SGIP1: variants seen among roughly 807,000 people sequenced by gnomAD.
The protein encoded by SGIP1 is SH3-containing GRB2-like protein 3-interacting protein 1.
In SGIP1, 38 loss-of-function variants were observed where a neutral mutation model predicts 107.5. The ratio of observed to expected loss-of-function variants is 0.35; its 90% CI spans 0.27 to 0.46. SGIP1 has a LOEUF of 0.46. Ranked by LOEUF, SGIP1 falls within the 20% of genes least tolerant of loss-of-function variation. SGIP1 has a pLI of 1.00. For missense variants in SGIP1, 929 were observed against 1,019.5 expected (o/e 0.91, Z 1.21); for synonymous variants, 365 against 366.1 (o/e 1.00, Z 0.03).
intron 21 of SGIP1, among the ~76,000 whole-genome samples, chr1:66,737,417 G>A (rs181683465): frequency 3.9e-5 from 6 of 152,044 alleles, no homozygotes; most frequent in Admixed American, 2.0e-4. Context: ...CAAGGGCTGC[G>A]CACGGTGGCT....
chr1:66,607,662 C>T (rs2149105071), intron 1 of SGIP1, among the ~76,000 whole-genome samples: 1 of 152,312 alleles, frequency 6.6e-6, no homozygotes, highest in African/African-American at 2.4e-5. Flanking sequence ...CCCCACCCCC[C>T]TACACCATCA....
At chr1:66,568,681 G>A (rs2059981413) in intron 1 of SGIP1, among the ~76,000 whole-genome samples, 1 of 151,660 alleles carries the variant, frequency 6.6e-6, no homozygotes. Context: ...GATCAAGCAG[G>A]CTTCATCCCT....
chr1:66,698,471 C>T (rs2091351215), intron 18 of SGIP1, among the ~76,000 whole-genome samples: 1 of 151,704 alleles, frequency 6.6e-6, no homozygotes, highest in Admixed American at 6.6e-5. Context: ...CTCCGCCTCC[C>T]GAGTTCACCC....
chr1:66,677,537 A>G (rs1483799969), intron 13 of SGIP1, among the ~76,000 whole-genome samples: 1 of 152,120 alleles, frequency 6.6e-6, no homozygotes, highest in Non-Finnish European at 1.5e-5. Context: ...AAGAGTGACA[A>G]TTGGGGAACA....
chr1:66,663,134 A>G (rs1052147064), intron 8 of SGIP1, among the ~76,000 whole-genome samples: 1 of 151,940 alleles, frequency 6.6e-6, no homozygotes, highest in African/African-American at 2.4e-5. Flanking sequence ...CCACATTCTC[A>G]CGTGGCGCAC....
chr1:66,607,369 C>G (rs1421210811), intron 1 of SGIP1, among the ~76,000 whole-genome samples: 1 of 152,206 alleles, frequency 6.6e-6, no homozygotes, highest in Non-Finnish European at 1.5e-5. Flanking sequence ...CTGCTAGACA[C>G]TGGGGTGTGG....
chr1:66,653,954 T>A (rs545503946), intron 7 of SGIP1, among the ~76,000 whole-genome samples: 94 of 152,302 alleles, frequency 6.2e-4, no homozygotes, highest in African/African-American at 2.1e-3. Context: ...GTGAACAGTT[T>A]ACTGAATGTT....
intron 1 of SGIP1, among the ~76,000 whole-genome samples, chr1:66,588,970 C>T (rs537604647): frequency 6.7e-6 from 1 of 149,072 alleles, no homozygotes; most frequent in East Asian, 1.9e-4. Context: ...AAAAAAAATT[C>T]TCTACTGAGC....
rs112475687 is a variant in SGIP1, at chr1:66,744,419, G to T, written c.*1324G>T. ...TTTAGAAAGACAAACTTCTTCGGGAGTCTCAGTTGTAAAACCTTCCCTCAT... is the reference window on the plus strand; with the variant it reads ...TTTAGAAAGACAAACTTCTTCGGGATTCTCAGTTGTAAAACCTTCCCTCAT... On this transcript the variant is annotated 3_prime_UTR_variant, in exon 25 of 25. Transcript: ENST00000371037. 1 of 152,070 alleles carries T rather than the reference G, an allele frequency of 6.6e-6. No homozygotes were observed. Among genetic ancestry groups the T allele is most frequent in the Non-Finnish European group, 1.5e-5 (1 of 67,946 alleles). The allele number at this position is 152,070 out of a possible 1,614,324, so 9.4% of individuals were successfully genotyped here.
rs745312113 is a variant in SGIP1, at chr1:66,747,421, A to G, written c.*4326A>G. On this transcript the variant is annotated 3_prime_UTR_variant, in exon 25 of 25. Coordinates refer to ENST00000371037, the MANE Select transcript of SGIP1 (RefSeq NM_032291.4). ...CTAGGAAAATCCCTATCTTTTTCTT[A>G]AAGTTACTCTGTTATACTATCTCAG... 2.6e-5 allele frequency: 4 copies of G among 152,138 alleles called. No homozygotes were observed. The South Asian group carries it at 6.2e-4, about 24-fold the overall frequency. The allele number at this position is 152,138 out of a possible 1,614,324, so 9.4% of individuals were successfully genotyped here. A position where few individuals can be genotyped will look rare whatever the true frequency, so the allele number is the denominator to read the frequency against.
At chr1:66,578,008 C>A (rs937363689) in intron 1 of SGIP1, among the ~76,000 whole-genome samples, 7 of 152,104 alleles carry the variant, frequency 4.6e-5, no homozygotes, top group Admixed American at 2.6e-4. Flanking sequence ...ACCAAAATAT[C>A]TCAATGTTAT....
chr1:66,652,028 C>CT (rs2078861002), intron 7 of SGIP1, among the ~76,000 whole-genome samples: 3 of 151,992 alleles, frequency 2.0e-5, no homozygotes, highest in African/African-American at 7.2e-5. Flanking sequence ...GGTAGTGATG[C>CT]CCCTATTTTA....
At chr1:66,546,982 T>C (rs368048305) in intron 1 of SGIP1, among the ~76,000 whole-genome samples, 3 of 152,314 alleles carry the variant, frequency 2.0e-5, no homozygotes, top group Admixed American at 1.3e-4. Flanking sequence ...TCTTACTGGG[T>C]TGAATATTGA....
At chr1:66,680,987 A>G (rs536331549) in intron 14 of SGIP1, among the ~76,000 whole-genome samples, 2 of 152,384 alleles carry the variant, frequency 1.3e-5, no homozygotes, top group East Asian at 3.9e-4. Context: ...AGTTAAAAAG[A>G]ATAGCTTATG....
At chr1:66,688,879 T>C (rs2089127916) in intron 15 of SGIP1, among the ~76,000 whole-genome samples, 2 of 152,152 alleles carry the variant, frequency 1.3e-5, no homozygotes, top group Admixed American at 1.3e-4. Flanking sequence ...ACCTTACCTC[T>C]GTCATAGAGC....
chr1:66,580,973 G>T (rs936843468), intron 1 of SGIP1, among the ~76,000 whole-genome samples: 2 of 151,962 alleles, frequency 1.3e-5, no homozygotes, highest in Non-Finnish European at 2.9e-5. Context: ...CATTTGTTTG[G>T]ATCTGTGCAC....
In SGIP1 at chr1:66,696,192, C is replaced by A. The variant is rs2090889764; in HGVS notation, c.1630+699C>A. Among the ~76,000 whole-genome samples the A allele has an allele frequency of 2.0e-5, 3 of 152,146 alleles. No homozygotes were observed. In the South Asian group the frequency reaches 6.2e-4, roughly 31 times the overall value. ...TGTTATATTCTGCATAAAGGGTAAG[C>A]ATTCTTCTGTTTTATATTTAAGTTT... On this transcript the variant is annotated intron_variant, in intron 18 of 24. Transcript: ENST00000371037.
chr1:66,572,085 A>G (rs1326335476), intron 1 of SGIP1, among the ~76,000 whole-genome samples: 1 of 152,046 alleles, frequency 6.6e-6, no homozygotes, highest in African/African-American at 2.4e-5. Context: ...CCAACAAACA[A>G]GAGGTGCATG....
chr1:66,678,864 A>C (rs1571704284), intron 13 of SGIP1, among the ~76,000 whole-genome samples: 1 of 152,218 alleles, frequency 6.6e-6, no homozygotes, highest in Non-Finnish European at 1.5e-5. Flanking sequence ...TCAGATTCAC[A>C]GCTAAACTTT....
Sources: gnomAD v4.1 joint callset for allele counts (sites outside exome capture counted in the v4.1 genomes callset) on GRCh38, gnomAD v4.1.1 for gene constraint, MANE v1.5 for transcripts, NCBI Gene and HGNC (gene_info 2026-07-23, HGNC 2026-07-21) for gene names.